The following DHX30 variants were observed in gnomAD, a reference collection of about 807,000 sequenced individuals.
The protein encoded by DHX30 is ATP-dependent RNA helicase DHX30.
DHX30 carries 4 observed loss-of-function variants against 116.9 expected under a neutral mutation model. That is an observed-to-expected ratio of 0.03 (90% CI 0.02 to 0.08). DHX30 has a LOEUF of 0.08. DHX30 is among the 10% of genes least tolerant of loss of function. The pLI is 1.00. For missense variants in DHX30, 871 were observed against 1,595.1 expected, an observed-to-expected ratio of 0.55 and a Z score of 7.73; for synonymous variants, 697 against 651.7, an observed-to-expected ratio of 1.07 and a Z score of -1.06.
intron 4 of DHX30, among the ~76,000 whole-genome samples, chr3:47,820,316 A>G (rs1460983781): frequency 2.0e-5 from 3 of 151,938 alleles, no homozygotes; most frequent in African/African-American, 7.2e-5. Context: ...TCCATCTCAA[A>G]AAAAAAAAAG....
chr3:47,835,300 A>T (rs1468322872), intron 6 of DHX30, among the ~76,000 whole-genome samples: 2 of 151,068 alleles, frequency 1.3e-5, no homozygotes, highest in Non-Finnish European at 2.9e-5. Flanking sequence ...CCTCCCGAGT[A>T]GCTGGGATTA....
chr3:47,849,614 G>A lies in DHX30; in HGVS notation c.3192-16G>A. 1 of 1,614,158 alleles carries A rather than the reference G, an allele frequency of 6.2e-7. No individual in the cohort carries two copies. The highest frequency in any genetic ancestry group is 1.3e-5 in the African/African-American group (1 of 75,068). On this transcript the variant is annotated splice_polypyrimidine_tract_variant and intron_variant, in intron 20 of 21. Transcript: ENST00000445061. Reference sequence around the variant, plus strand: ...ATGGTCCAAAAGGGTGGCCTCACCAGCCCTGTGTTCCCTAGGGAGGCCACA... The same window carrying A: ...ATGGTCCAAAAGGGTGGCCTCACCAACCCTGTGTTCCCTAGGGAGGCCACA...
chr3:47,816,766 G>T (rs992974397), intron 3 of DHX30: 2 of 985,432 alleles, frequency 2.0e-6, no homozygotes, highest in South Asian at 4.7e-5. Flanking sequence ...CTGGGACTGT[G>T]GGGGAGGAGG....
At position 47,827,457 on chromosome 3, in the gene DHX30, A is replaced by G. The variant is rs1340007982; in HGVS notation, c.235A>G (p.Thr79Ala). Residue 79 changes from threonine (T) to alanine (A), a missense_variant, in exon 5 of 22, where the codon ACA (threonine) becomes GCA (alanine). By Grantham distance (58) the Thr-to-Ala change is moderately conservative. Coordinates refer to ENST00000445061, the MANE Select transcript of DHX30 (RefSeq NM_138615.3). The stretch of plus-strand genomic sequence containing the variant: ...AAAAGACAAACTAGTCTACGTGCAC[A>G]CAAATGGACCGAAGAAAAAGGTAAC... ...HAKDKLVYVH[T>A]NGPKKKKVTL... 6.2e-7 allele frequency: 1 copy of G among 1,613,026 alleles called. No individual in the cohort carries two copies. Among genetic ancestry groups the G allele is most frequent in the Admixed American group, 1.7e-5 (1 of 59,770 alleles).
chr3:47,850,143 G>A lies in DHX30; in HGVS notation c.*23G>A. On this transcript the variant is annotated 3_prime_UTR_variant, in exon 22 of 22. Coordinates refer to ENST00000445061, the MANE Select transcript of DHX30 (RefSeq NM_138615.3). ...TGAGCCCTGCTTCTGCTGGGGCTGT[G>A]TACAGAGTGCAAATGTTTATTTAAA... is the stretch of plus-strand genomic sequence containing the variant. 6.4e-7 allele frequency: 1 copy of A among 1,563,434 alleles called. No individual in the cohort carries two copies. Among genetic ancestry groups the A allele is most frequent in the Non-Finnish European group, 8.6e-7 (1 of 1,157,046 alleles).
At chr3:47,816,655 T>C in intron 3 of DHX30, 1 of 985,480 alleles carries the variant, frequency 1.0e-6, no homozygotes, top group African/African-American at 1.7e-5. Context: ...CGCGCCGGGC[T>C]ACAAAGAGCC....
chr3:47,810,620 A>G, intron 2 of DHX30, 37 bp from the exon 3 acceptor site: 1 of 1,552,350 alleles, frequency 6.4e-7, no homozygotes, highest in Non-Finnish European at 8.9e-7. Context: ...TGGACCAGGA[A>G]TATTAACCAT....
Position 47,847,508 on chromosome 3 carries a change from G to A in DHX30, c.2082G>A (p.Met694Ile), listed in dbSNP as rs1429384938. The change falls in exon 13 of 22, where the codon ATG (methionine) becomes ATA (isoleucine). Residue 694 changes from methionine (M) to isoleucine (I), a missense_variant. This residue lies in a region of DHX30 where 49 missense variants were observed against 60.9 expected (regional missense o/e 0.80). Coordinates refer to ENST00000445061, the MANE Select transcript of DHX30 (RefSeq NM_138615.3). This position sits in a 1 kb window ranked among gnomAD's most constrained non-coding sequence, Gnocchi z 5.5. ...AGCGCCTCCAGGAGGCCCTGGGCAT[G>A]CACGAGAGCAAGTACCTCATCCTGC... ...VQQRLQEALGMHESKYLILPV... is the reference protein window; with the variant it reads ...VQQRLQEALGIHESKYLILPV... The A allele has an allele frequency of 6.2e-7, 1 of 1,611,648 alleles. No homozygotes were observed.
intron 6 of DHX30, among the ~76,000 whole-genome samples, chr3:47,838,788 C>A (rs1408890599): frequency 1.3e-5 from 2 of 152,236 alleles, no homozygotes; most frequent in Non-Finnish European, 2.9e-5. Context: ...CCTGTTCTCC[C>A]AGCTGCTCAC....
chr3:47,825,875 G>T (rs1459328355), intron 4 of DHX30: 1 of 151,690 alleles, frequency 6.6e-6, no homozygotes, highest in African/African-American at 2.4e-5. Context: ...ACTTAGATAT[G>T]GTTTCTTAAC....
intron 8 of DHX30, 32 bp downstream of exon 8, chr3:47,841,769 G>A: frequency 1.2e-6 from 2 of 1,614,022 alleles, no homozygotes; most frequent in Non-Finnish European, 1.7e-6. Context: ...TTTGTGTGGG[G>A]GCCGTTTACT....
At chr3:47,809,168 A>G (rs2035670313) in intron 2 of DHX30, among the ~76,000 whole-genome samples, 1 of 149,802 alleles carries the variant, frequency 6.7e-6, no homozygotes, top group African/African-American at 2.4e-5. Context: ...TTTCTTTTAA[A>G]TTAGAATGTC....
Position 47,849,757 on chromosome 3 carries a change from G to T in DHX30, c.3319G>T (p.Val1107Leu). ...LAVLLLTDGD[V>L]HIRDDGRRAT... is the part of the protein sequence containing the mutation. ...TGTGCTGCTGCTGACCGACGGGGAC[G>T]TGCACATCCGTGGTGGGTGCCTGCA... The change falls in exon 21 of 22, where the codon GTG becomes TTG. Residue 1107 changes from valine (V) to leucine (L), a missense_variant. By Grantham distance (32) the Val-to-Leu change is conservative. Coordinates refer to ENST00000445061, the MANE Select transcript of DHX30 (RefSeq NM_138615.3). 6.2e-7 allele frequency: 1 copy of T among 1,613,008 alleles called. No homozygotes were observed. Among genetic ancestry groups the T allele is most frequent in the Non-Finnish European group, 8.5e-7 (1 of 1,179,444 alleles).
At chr3:47,835,175 T>TTC (rs955573783) in intron 6 of DHX30, among the ~76,000 whole-genome samples, 2 of 148,716 alleles carry the variant, frequency 1.3e-5, no homozygotes, top group African/African-American at 5.0e-5. Context: ...GGCTAATTTT[T>TTC]TTTTTTTTTT....
At chr3:47,838,281 G>C (rs1224846613) in intron 6 of DHX30, among the ~76,000 whole-genome samples, 1 of 152,176 alleles carries the variant, frequency 6.6e-6, no homozygotes, top group Non-Finnish European at 1.5e-5. Context: ...TTTAGAATTG[G>C]TTTGTCAAAT....
chr3:47,827,567 G>A, intron 5 of DHX30, 90 bp downstream of exon 5: 1 of 1,487,982 alleles, frequency 6.7e-7, no homozygotes, highest in South Asian at 1.3e-5. Context: ...TGTCAAGGAG[G>A]CCATAGAATG....
intron 6 of DHX30, among the ~76,000 whole-genome samples, chr3:47,831,924 CTTTTTCTTTTTTT>C (rs1216224311): frequency 8.3e-6 from 1 of 120,380 alleles, no homozygotes; most frequent in Admixed American, 9.2e-5. Flanking sequence ...AGGCCTTTTC[CTTTTTCTTTTTTT>C]TTTTTTTTTT....
intron 1 of DHX30, among the ~76,000 whole-genome samples, chr3:47,803,921 G>T (rs2035409320): frequency 6.6e-6 from 1 of 152,142 alleles, no homozygotes; most frequent in African/African-American, 2.4e-5. Flanking sequence ...CAAGGCAGAG[G>T]CTGTTTCACT....
intron 2 of DHX30, among the ~76,000 whole-genome samples, chr3:47,806,235 C>T (rs2035514732): frequency 6.6e-6 from 1 of 151,344 alleles, no homozygotes; most frequent in African/African-American, 2.4e-5. Flanking sequence ...CCTCTGCCTC[C>T]TGGGTTCAAG....
Sources: gnomAD v4.1 joint callset for allele counts (sites outside exome capture counted in the v4.1 genomes callset) on GRCh38, gnomAD v4.1.1 for gene constraint, gnomAD v4.1.1 regional missense constraint, Gnocchi (gnomAD v3.1) non-coding constraint, MANE v1.5 for transcripts, NCBI Gene and HGNC (gene_info 2026-07-23, HGNC 2026-07-21) for gene names.